FRMD6: variants seen among roughly 807,000 people sequenced by gnomAD.
The protein encoded by FRMD6 is FERM domain containing 6.
A neutral mutation model predicts 73.2 loss-of-function variants in FRMD6; 37 were observed. That is an observed-to-expected ratio of 0.51 (90% CI 0.39 to 0.66). The LOEUF (loss-of-function observed/expected upper bound fraction) is 0.66. Among genes scored for constraint, FRMD6 ranks in the 30% least tolerant of loss-of-function variants. FRMD6 has a pLI of 0.00. For missense variants in FRMD6, 714 were observed against 780.5 expected (o/e 0.91, Z 1.02); for synonymous variants, 273 against 282.2 (o/e 0.97, Z 0.33).
the FRMD6 span, among the ~76,000 whole-genome samples, chr14:51,451,221 A>G: frequency 6.6e-6 from 1 of 152,186 alleles, no homozygotes; most frequent in African/African-American, 2.4e-5. Context: ...GACCATTGAT[A>G]TAGTTTGATA....
intron 1 of FRMD6, among the ~76,000 whole-genome samples, chr14:51,513,416 A>G (rs1312760283): frequency 2.0e-5 from 3 of 152,146 alleles, no homozygotes; most frequent in Non-Finnish European, 4.4e-5. Flanking sequence ...TTCCTTTGCC[A>G]TTCCTCTCAG....
chr14:51,445,608 A>T, the FRMD6 span, among the ~76,000 whole-genome samples: 1 of 152,186 alleles, frequency 6.6e-6, no homozygotes, highest in South Asian at 2.1e-4. Flanking sequence ...AGACATGCTT[A>T]AAGATTTGAT....
At position 51,608,021 on chromosome 14, in the gene FRMD6, C is replaced by A. The variant is rs185712485; in HGVS notation, c.-147+37611C>A. ...CTGGGCAGTTTTCTGTGCATCAGAT[C>A]CAGTAACACAAAACAGAAGAAAACC... is the stretch of plus-strand genomic sequence containing the variant. On this transcript the variant is annotated intron_variant, in intron 2 of 14. Transcript: ENST00000356218. 3.7e-4 allele frequency among the ~76,000 whole-genome samples: 55 copies of A among 150,538 alleles called. No individual in the cohort carries two copies. The East Asian group carries it at 0.01, about 29-fold the overall frequency.
chr14:51,433,412 A>G, the FRMD6 span, among the ~76,000 whole-genome samples: 1 of 152,224 alleles, frequency 6.6e-6, no homozygotes, highest in Non-Finnish European at 1.5e-5. Flanking sequence ...TTTCCCGGAC[A>G]TACTTTTAAG....
intron 1 of FRMD6, among the ~76,000 whole-genome samples, chr14:51,563,151 T>C (rs1397549450): frequency 6.6e-6 from 1 of 152,152 alleles, no homozygotes; most frequent in Non-Finnish European, 1.5e-5. Flanking sequence ...CCAGAGTGAG[T>C]ATCCCAGGAG....
chr14:51,557,086 G>A (rs1256024247), intron 1 of FRMD6, among the ~76,000 whole-genome samples: 3 of 152,018 alleles, frequency 2.0e-5, no homozygotes, highest in Non-Finnish European at 4.4e-5. Flanking sequence ...TAGAATGTGA[G>A]TTTAGCCTGG....
At chr14:51,412,803 G>T in the FRMD6 span, among the ~76,000 whole-genome samples, 3 of 151,870 alleles carry the variant, frequency 2.0e-5, no homozygotes, top group Non-Finnish European at 4.4e-5. Flanking sequence ...AGTGAGCTGA[G>T]ATCGCACCAC....
intron 1 of FRMD6, among the ~76,000 whole-genome samples, chr14:51,492,506 GACCTATCCCCTTAA>G (rs1883072654): frequency 6.6e-6 from 1 of 151,984 alleles, no homozygotes; most frequent in Non-Finnish European, 1.5e-5. Context: ...AGCATACCGA[GACCTATCCCCTTAA>G]ACGTCTTAGA....
chr14:51,443,483 G>A, the FRMD6 span, among the ~76,000 whole-genome samples: 1 of 152,296 alleles, frequency 6.6e-6, no homozygotes, highest in African/African-American at 2.4e-5. Flanking sequence ...GCCAAAAAAT[G>A]CACAAGCTCT....
At chr14:51,431,987 T>C in the FRMD6 span, among the ~76,000 whole-genome samples, 1 of 152,208 alleles carries the variant, frequency 6.6e-6, no homozygotes, top group Non-Finnish European at 1.5e-5. Flanking sequence ...CTTCCAGCCC[T>C]GGAGACTACA....
chr14:51,507,827 C>CA (rs1461961544), intron 1 of FRMD6, among the ~76,000 whole-genome samples: 2 of 152,198 alleles, frequency 1.3e-5, no homozygotes, highest in Non-Finnish European at 2.9e-5. Context: ...GTGGTGGCAA[C>CA]AATTGCCTCC....
the FRMD6 span, among the ~76,000 whole-genome samples, chr14:51,469,230 C>A: frequency 2.0e-4 from 30 of 151,252 alleles, no homozygotes; most frequent in Non-Finnish European, 4.1e-4. Flanking sequence ...TGAGCCACTG[C>A]GCCCAGCCTA....
At chr14:51,434,790 C>T in the FRMD6 span, among the ~76,000 whole-genome samples, 1 of 152,110 alleles carries the variant, frequency 6.6e-6, no homozygotes, top group Non-Finnish European at 1.5e-5. Context: ...ACCTGGCATG[C>T]ATCACCTTAC....
At chr14:51,529,617 C>T (rs184311202) in intron 1 of FRMD6, among the ~76,000 whole-genome samples, 88 of 152,238 alleles carry the variant, frequency 5.8e-4, no homozygotes, top group Non-Finnish European at 1.0e-3. Flanking sequence ...ACTGAAATTT[C>T]TACATAAGCA....
chr14:51,611,567 C>T (rs1566502008), intron 2 of FRMD6, among the ~76,000 whole-genome samples: 1 of 152,154 alleles, frequency 6.6e-6, no homozygotes, highest in South Asian at 2.1e-4. Flanking sequence ...TTCTCTTCGA[C>T]TTTACTGTGT....
intron 1 of FRMD6, among the ~76,000 whole-genome samples, chr14:51,669,523 T>C (rs1893844460): frequency 6.6e-6 from 1 of 152,220 alleles, no homozygotes; most frequent in Non-Finnish European, 1.5e-5. Flanking sequence ...AGATTTGGTA[T>C]TGTCAGTGTT....
chr14:51,718,305 G>A (rs1219077511), intron 10 of FRMD6, among the ~76,000 whole-genome samples: 2 of 152,134 alleles, frequency 1.3e-5, no homozygotes, highest in Non-Finnish European at 2.9e-5. Flanking sequence ...TTGTCTTCTC[G>A]TGAGCATACT....
the FRMD6 span, among the ~76,000 whole-genome samples, chr14:51,406,265 C>A: frequency 1.3e-5 from 2 of 152,020 alleles, no homozygotes; most frequent in Admixed American, 6.6e-5. Flanking sequence ...TAATATGATA[C>A]CTTCAGCTTT....
intron 1 of FRMD6, among the ~76,000 whole-genome samples, chr14:51,656,421 T>C (rs1892826093): frequency 6.6e-6 from 1 of 151,656 alleles, no homozygotes; most frequent in African/African-American, 2.4e-5. Flanking sequence ...TCTTTTCTTT[T>C]TTTTTTTTCT....
Sources: allele counts gnomAD v4.1 joint callset (sites outside exome capture counted in the v4.1 genomes callset), GRCh38; gene constraint gnomAD v4.1.1; transcripts MANE v1.5; gene names NCBI Gene and HGNC (gene_info 2026-07-23, HGNC 2026-07-21).